Variants in MCTP1 observed in about 807,000 individuals in gnomAD.
MCTP1 encodes multiple C2 and transmembrane domain-containing protein 1.
Under a neutral mutation model 120.6 loss-of-function variants are expected in MCTP1, and 69 were observed. The ratio of observed to expected loss-of-function variants is 0.57; its 90% CI spans 0.47 to 0.70. The LOEUF (loss-of-function observed/expected upper bound fraction) is 0.70, where lower values mean the gene tolerates loss of function less well. MCTP1 is among the 30% of genes least tolerant of loss of function. The pLI, the probability that MCTP1 is intolerant of heterozygous loss-of-function variation, is 0.00. For synonymous variants in MCTP1, 529 were observed against 493.1 expected (o/e 1.07, Z -0.96); for missense variants, 1,203 against 1,248.8 (o/e 0.96, Z 0.55).
At chr5:95,141,022 T>A in intron 1 of MCTP1, among the ~76,000 whole-genome samples, 1 of 152,128 alleles carries the variant, frequency 6.6e-6, no homozygotes, top group East Asian at 1.9e-4. Flanking sequence ...ACTTGGTGTA[T>A]CTATCCTTAT....
intron 16 of MCTP1, among the ~76,000 whole-genome samples, chr5:94,869,822 T>C (rs1019530156): frequency 6.6e-6 from 1 of 152,118 alleles, no homozygotes; most frequent in African/African-American, 2.4e-5. Flanking sequence ...TCACGCTCAA[T>C]TTAAATTCCC....
chr5:95,012,139 A>G (rs1836114983), intron 2 of MCTP1, among the ~76,000 whole-genome samples: 1 of 152,080 alleles, frequency 6.6e-6, no homozygotes, highest in African/African-American at 2.4e-5. Context: ...ACACACACCT[A>G]TCTCCATACA....
intron 3 of MCTP1, among the ~76,000 whole-genome samples, chr5:94,947,493 G>C (rs1370875319): frequency 6.9e-6 from 1 of 144,812 alleles, no homozygotes; most frequent in Non-Finnish European, 1.5e-5. Flanking sequence ...ATTTCCCACA[G>C]AATATATGAT....
At chr5:94,807,127 G>A (rs1466856635) in intron 17 of MCTP1, among the ~76,000 whole-genome samples, 2 of 152,132 alleles carry the variant, frequency 1.3e-5, no homozygotes, top group Non-Finnish European at 2.9e-5. Flanking sequence ...GAAGAAATGT[G>A]CCAAAAGTGC....
chr5:94,948,886 A>C (rs1467995977), intron 3 of MCTP1, among the ~76,000 whole-genome samples: 1 of 152,182 alleles, frequency 6.6e-6, no homozygotes, highest in Non-Finnish European at 1.5e-5. Flanking sequence ...CTTATAAGCT[A>C]CCGAGAAATA....
chr5:95,092,593 T>C (rs1269094408), intron 1 of MCTP1, among the ~76,000 whole-genome samples: 1 of 152,098 alleles, frequency 6.6e-6, no homozygotes, highest in Non-Finnish European at 1.5e-5. Flanking sequence ...CCTGATTTGA[T>C]CATTACACAT....
At chr5:94,865,898 A>C (rs1300067576) in intron 17 of MCTP1, among the ~76,000 whole-genome samples, 1 of 151,942 alleles carries the variant, frequency 6.6e-6, no homozygotes, top group Admixed American at 6.6e-5. Context: ...TCGCTAATGC[A>C]TGTAAAACAG....
intron 19 of MCTP1, among the ~76,000 whole-genome samples, chr5:94,766,699 A>G (rs1772825584): frequency 6.6e-6 from 1 of 151,908 alleles, no homozygotes. Flanking sequence ...AACCTAGAGG[A>G]AAATTCCTGG....
intron 19 of MCTP1, among the ~76,000 whole-genome samples, chr5:94,720,350 G>GA (rs547242788): frequency 2.0e-4 from 31 of 151,452 alleles, no homozygotes; most frequent in South Asian, 6.3e-4. Context: ...GGCTAAGTGG[G>GA]AAAAAAAATC....
intron 2 of MCTP1, among the ~76,000 whole-genome samples, chr5:94,968,110 T>C (rs1826007269): frequency 6.6e-6 from 1 of 152,214 alleles, no homozygotes; most frequent in Non-Finnish European, 1.5e-5. Flanking sequence ...TTAGGTTCAG[T>C]GAAAGATTTT....
rs1755351289 is a variant in MCTP1 at position 95,085,403 on chromosome 5, A to AT, written c.721-67920_721-67919insA. 2.6e-4 allele frequency among the ~76,000 whole-genome samples: 3 copies of AT among 11,484 alleles called. 1 individual carries two copies. Among genetic ancestry groups the AT allele is most frequent in the East Asian group, 2.5e-3 (1 of 396 alleles). The allele number at this position is 11,484 out of a possible 152,430, so 7.5% of individuals were successfully genotyped here. ...AATATAATAGTGTATAGATCCTTTA[A>AT]ATTTTTTTTTTTTTGCTTAGCATTA... On this transcript the variant is annotated intron_variant, in intron 1 of 22. Transcript: ENST00000515393.
intron 19 of MCTP1, among the ~76,000 whole-genome samples, chr5:94,761,035 C>T (rs559141547): frequency 2.5e-4 from 38 of 152,292 alleles, no homozygotes; most frequent in South Asian, 4.1e-4. Flanking sequence ...CTATGATAAA[C>T]GCCCTTGAAC....
intron 1 of MCTP1, among the ~76,000 whole-genome samples, chr5:95,222,789 T>C (rs1428124725): frequency 6.6e-6 from 1 of 152,218 alleles, no homozygotes; most frequent in African/African-American, 2.4e-5. Context: ...ACATAAACAG[T>C]TTTATGTATA....
chr5:94,722,992 G>A (rs1371418384), intron 19 of MCTP1, among the ~76,000 whole-genome samples: 1 of 152,178 alleles, frequency 6.6e-6, no homozygotes, highest in Non-Finnish European at 1.5e-5. Context: ...TAGATGAGAA[G>A]TATGGAGTGG....
chr5:94,920,533 G>A (rs916184635), intron 7 of MCTP1, among the ~76,000 whole-genome samples: 5 of 151,906 alleles, frequency 3.3e-5, no homozygotes, highest in African/African-American at 1.2e-4. Flanking sequence ...ACGAGGTCAG[G>A]AGATCGAGAC....
intron 1 of MCTP1, among the ~76,000 whole-genome samples, chr5:95,212,471 C>T (rs892740601): frequency 1.3e-5 from 2 of 151,912 alleles, no homozygotes; most frequent in African/African-American, 4.8e-5. Flanking sequence ...TGAAACTATT[C>T]CAATCAATAG....
rs540647710 is a variant in MCTP1, at chr5:94,962,531, G to T, written c.839-9170C>A. ...GTATGTATATACATGTGATGGAATAGTACTCAGCCATAAAAAGGAATGAAT... is the reference window on the plus strand; with the variant it reads ...GTATGTATATACATGTGATGGAATATTACTCAGCCATAAAAAGGAATGAAT... On this transcript the variant is annotated intron_variant, in intron 2 of 22. Coordinates refer to ENST00000515393, the MANE Select transcript of MCTP1 (RefSeq NM_024717.7). 4.0e-5 allele frequency among the ~76,000 whole-genome samples: 6 copies of T among 151,280 alleles called. No individual in the cohort carries two copies. The East Asian group carries it at 1.2e-3, about 29-fold the overall frequency.
chr5:95,167,946 T>A (rs1746651017), intron 1 of MCTP1, among the ~76,000 whole-genome samples: 1 of 152,190 alleles, frequency 6.6e-6, no homozygotes, highest in Non-Finnish European at 1.5e-5. Context: ...TTGCTTTTGG[T>A]GTTTTAGACA....
intron 1 of MCTP1, among the ~76,000 whole-genome samples, chr5:95,134,568 C>T (rs151021741): frequency 3.9e-4 from 60 of 152,260 alleles, no homozygotes; most frequent in Non-Finnish European, 7.5e-4. Flanking sequence ...GGCCTCACTC[C>T]CTTATGTTGA....
Sources: allele counts gnomAD v4.1 joint callset (sites outside exome capture counted in the v4.1 genomes callset), GRCh38; gene constraint gnomAD v4.1.1; transcripts MANE v1.5; gene names NCBI Gene and HGNC (gene_info 2026-07-23, HGNC 2026-07-21).